The following MACROD1 variants were observed in gnomAD, a reference collection of about 807,000 sequenced individuals.
The protein encoded by MACROD1 is ADP-ribose glycohydrolase MACROD1.
A neutral mutation model predicts 41.4 loss-of-function variants in MACROD1; 31 were observed. The observed-to-expected ratio is 0.75, with a 90% CI of 0.56 to 1.01. The LOEUF (loss-of-function observed/expected upper bound fraction) is 1.01. MACROD1 is among the 50% of genes least tolerant of loss of function. The pLI, the probability that MACROD1 is intolerant of heterozygous loss-of-function variation, is 0.00. For synonymous variants in MACROD1, 252 were observed against 203.4 expected, an observed-to-expected ratio of 1.24 and a Z score of -2.03; for missense variants, 473 against 460.0, an observed-to-expected ratio of 1.03 and a Z score of -0.26.
intron 3 of MACROD1, among the ~76,000 whole-genome samples, chr11:64,089,237 C>A (rs1944448229): frequency 6.6e-6 from 1 of 152,166 alleles, no homozygotes. Flanking sequence ...GAGGTGAGGG[C>A]CCCGGGCTCT....
At chr11:64,165,653 G>C (rs1160731154) in intron 1 of MACROD1, 44 bp downstream of exon 1, 40 of 1,342,476 alleles carry the variant, frequency 3.0e-5, no homozygotes, top group Non-Finnish European at 3.9e-5. Context: ...GAAGCTCCAC[G>C]TGAGGCCGCC....
At chr11:64,006,876 T>G (rs1445793909) in intron 4 of MACROD1, among the ~76,000 whole-genome samples, 1 of 152,128 alleles carries the variant, frequency 6.6e-6, no homozygotes, top group Non-Finnish European at 1.5e-5. Flanking sequence ...ATGAGATTCT[T>G]CAGGGAGAGG....
chr11:64,013,630 C>T (rs554554879), intron 4 of MACROD1, among the ~76,000 whole-genome samples: 137 of 152,322 alleles, frequency 9.0e-4, no homozygotes, highest in South Asian at 5.2e-3. Context: ...AGAAGAGACT[C>T]GATGAGCTGA....
At chr11:64,016,501 G>C (rs1422789183) in intron 3 of MACROD1, among the ~76,000 whole-genome samples, 2 of 152,258 alleles carry the variant, frequency 1.3e-5, no homozygotes, top group Admixed American at 1.3e-4. Context: ...TCTGTAGAAA[G>C]GATGAGGGGA....
chr11:64,071,550 G>A (rs1362510872), intron 3 of MACROD1, among the ~76,000 whole-genome samples: 24 of 152,112 alleles, frequency 1.6e-4, no homozygotes, highest in Admixed American at 1.6e-3. Flanking sequence ...GCCCACTCTG[G>A]GCAGGGTGGG....
At chr11:64,164,405 G>A (rs1459959536) in intron 1 of MACROD1, among the ~76,000 whole-genome samples, 2 of 152,222 alleles carry the variant, frequency 1.3e-5, no homozygotes, top group Non-Finnish European at 2.9e-5. Context: ...CCTTGTCTCC[G>A]TAGCTCTTTC....
intron 3 of MACROD1, among the ~76,000 whole-genome samples, chr11:64,026,648 G>A (rs1019761587): frequency 2.6e-5 from 4 of 152,096 alleles, no homozygotes; most frequent in Admixed American, 6.6e-5. Flanking sequence ...AATAGCTTCC[G>A]ATTATACTTA....
At chr11:64,053,627 G>T (rs1043230742) in intron 3 of MACROD1, among the ~76,000 whole-genome samples, 23 of 152,168 alleles carry the variant, frequency 1.5e-4, no homozygotes, top group South Asian at 6.2e-4. Flanking sequence ...CTACCCTGGG[G>T]ATCTACAGGG....
chr11:64,053,909 C>T (rs1262406631), intron 3 of MACROD1, among the ~76,000 whole-genome samples: 1 of 152,146 alleles, frequency 6.6e-6, no homozygotes. Context: ...CGTCATCCCC[C>T]CCACCACCTC....
In MACROD1 at chr11:64,120,177, C is replaced by G. The variant is rs115269617; in HGVS notation, c.517+31062G>C. ...CTGAAAGGAGCGGACACAACAGCCA[C>G]GTGGAAAGTGGAAAAATGGGCACAG... On this transcript the variant is annotated intron_variant, in intron 3 of 10. Coordinates refer to ENST00000255681, the MANE Select transcript of MACROD1 (RefSeq NM_014067.4). This position sits in a 1 kb window ranked among gnomAD's most constrained non-coding sequence, Gnocchi z 4.5. Among the ~76,000 whole-genome samples the G allele has an allele frequency of 1.5e-3, 236 of 152,280 alleles. No individual in the cohort carries two copies. The highest frequency in any genetic ancestry group is 5.4e-3 in the African/African-American group (224 of 41,542).
intron 3 of MACROD1, among the ~76,000 whole-genome samples, chr11:64,042,871 C>T (rs1943515167): frequency 6.6e-6 from 1 of 152,194 alleles, no homozygotes; most frequent in Admixed American, 6.5e-5. Flanking sequence ...CCCCAGTTTC[C>T]AGGGGCTTCT....
intron 3 of MACROD1, among the ~76,000 whole-genome samples, chr11:64,126,038 C>T (rs1382580915): frequency 1.3e-5 from 2 of 152,318 alleles, no homozygotes; most frequent in East Asian, 1.9e-4. Context: ...TTGTGTGGAA[C>T]GCAGGCTTGC....
At chr11:64,152,159 T>A (rs1045182312) in intron 2 of MACROD1, 133 bp downstream of exon 2, 8 of 694,582 alleles carry the variant, frequency 1.2e-5, no homozygotes, top group African/African-American at 7.1e-5. Context: ...TTGAATGAGG[T>A]GATACACGCG....
intron 3 of MACROD1, among the ~76,000 whole-genome samples, chr11:64,114,442 T>C (rs1031448598): frequency 6.7e-6 from 1 of 149,172 alleles, no homozygotes; most frequent in African/African-American, 2.5e-5. Context: ...AATGGATGGA[T>C]GGATGGATGA....
chr11:64,021,298 CAG>C (rs1296849751), intron 3 of MACROD1, among the ~76,000 whole-genome samples: 17 of 152,332 alleles, frequency 1.1e-4, no homozygotes, highest in Non-Finnish European at 2.1e-4. Context: ...GTGTAGGCGA[CAG>C]GGGCTGCTCC....
intron 3 of MACROD1, among the ~76,000 whole-genome samples, chr11:64,031,348 G>C (rs1943291265): frequency 6.6e-6 from 1 of 152,156 alleles, no homozygotes; most frequent in South Asian, 2.1e-4. Context: ...CCTGGTCCTA[G>C]ACCTTGTGCT....
At chr11:64,053,541 G>C (rs534535094) in intron 3 of MACROD1, among the ~76,000 whole-genome samples, 17 of 152,246 alleles carry the variant, frequency 1.1e-4, no homozygotes, top group African/African-American at 4.1e-4. Context: ...TGAGGCTGTA[G>C]GGACAACCCT....
intron 3 of MACROD1, among the ~76,000 whole-genome samples, chr11:64,129,345 G>A (rs1186812095): frequency 1.3e-5 from 2 of 152,198 alleles, no homozygotes; most frequent in African/African-American, 2.4e-5. Context: ...CTCCATCCCC[G>A]ACTGCTGTTG....
In MACROD1 at chr11:64,118,004, G is replaced by C. The variant is rs773496799; in HGVS notation, c.517+33235C>G. ...GGGCCATCTGCTGGTACGTGCACCA[G>C]GCTGGCGAGCTGCTGACCCGGGAGA... On this transcript the variant is annotated intron_variant, in intron 3 of 10. Transcript: ENST00000255681. 1.4e-5 allele frequency: 22 copies of C among 1,613,614 alleles called. No individual in the cohort carries two copies. The highest frequency in any genetic ancestry group is 1.7e-5 in the Admixed American group (1 of 60,008).
Sources: allele counts gnomAD v4.1 joint callset (sites outside exome capture counted in the v4.1 genomes callset), GRCh38; gene constraint gnomAD v4.1.1; non-coding constraint Gnocchi (gnomAD v3.1); transcripts MANE v1.5; gene names NCBI Gene and HGNC (gene_info 2026-07-23, HGNC 2026-07-21).